Variants in CACNA2D1 observed in about 807,000 individuals in gnomAD.
CACNA2D1 encodes the protein calcium voltage-gated channel auxiliary subunit alpha2delta 1.
Under a neutral mutation model 171.5 loss-of-function variants are expected in CACNA2D1, and 53 were observed. The ratio of observed to expected loss-of-function variants is 0.31; its 90% CI spans 0.25 to 0.39. The LOEUF (loss-of-function observed/expected upper bound fraction) is 0.39. CACNA2D1 is among the 10% of genes least tolerant of loss of function. The probability of loss-of-function intolerance (pLI) is 1.00; values close to 1 mark genes in which losing one functional copy is unlikely to be tolerated. For missense variants in CACNA2D1, 903 were observed against 1,299.8 expected (o/e 0.69, Z 4.69); for synonymous variants, 442 against 443.1 (o/e 1.00, Z 0.03).
intron 2 of CACNA2D1, 142 bp downstream of exon 2, chr7:82,349,426 T>C (rs997818106): frequency 1.7e-5 from 13 of 767,988 alleles, no homozygotes; most frequent in Non-Finnish European, 2.8e-5. Flanking sequence ...GCAGTACCAA[T>C]GGTTTCTCTC....
At chr7:82,003,948 T>C (rs1798872733) in intron 18 of CACNA2D1, among the ~76,000 whole-genome samples, 1 of 152,114 alleles carries the variant, frequency 6.6e-6, no homozygotes, top group African/African-American at 2.4e-5. Flanking sequence ...TTTCACCATG[T>C]TGGCCAGGCT....
intron 12 of CACNA2D1, among the ~76,000 whole-genome samples, chr7:82,031,576 A>G (rs1802706257): frequency 6.6e-6 from 1 of 151,980 alleles, no homozygotes; most frequent in African/African-American, 2.4e-5. Context: ...TAGTACATGC[A>G]GTAAGCAGAG....
At chr7:82,184,549 C>T (rs1416433054) in intron 3 of CACNA2D1, among the ~76,000 whole-genome samples, 1 of 152,172 alleles carries the variant, frequency 6.6e-6, no homozygotes, top group South Asian at 2.1e-4. Flanking sequence ...CAGTAACTGA[C>T]ATTATCAAAG....
chr7:82,105,985 A>T (rs951820568), intron 6 of CACNA2D1, among the ~76,000 whole-genome samples: 5 of 152,170 alleles, frequency 3.3e-5, no homozygotes, highest in African/African-American at 1.2e-4. Context: ...TTAAAATAAC[A>T]TTATTCATTA....
chr7:82,052,638 T>G (rs1220826059), intron 10 of CACNA2D1, among the ~76,000 whole-genome samples: 2 of 152,004 alleles, frequency 1.3e-5, no homozygotes, highest in African/African-American at 2.4e-5. Flanking sequence ...TGGTTGACAC[T>G]AAAGATTATA....
chr7:82,004,188 C>T (rs1032106322), intron 18 of CACNA2D1, among the ~76,000 whole-genome samples: 30 of 152,032 alleles, frequency 2.0e-4, no homozygotes, highest in Admixed American at 1.8e-3. Flanking sequence ...ATAGCAAAAT[C>T]ATAGGATGAT....
chr7:81,990,898 G>A (rs1797478506), intron 21 of CACNA2D1, among the ~76,000 whole-genome samples: 1 of 152,142 alleles, frequency 6.6e-6, no homozygotes, highest in African/African-American at 2.4e-5. Context: ...ACAACTAAAA[G>A]AGGAAGTCAG....
intron 1 of CACNA2D1, among the ~76,000 whole-genome samples, chr7:82,422,733 T>C (rs1828821845): frequency 6.6e-6 from 1 of 152,074 alleles, no homozygotes; most frequent in South Asian, 2.1e-4. Flanking sequence ...GAAAGGCATT[T>C]AAAAAAATAG....
At position 82,113,381 on chromosome 7, in the gene CACNA2D1, C is replaced by T. The variant is rs373336496; in HGVS notation, c.526+3663G>A. ...AGTTATATGCTTGTCTTGTATAATT[C>T]TAAGCAGATAAATTAGATCTGAAAA... On this transcript the variant is annotated intron_variant, in intron 6 of 38. Coordinates refer to ENST00000356860, the MANE Select transcript of CACNA2D1 (RefSeq NM_000722.4). Among the ~76,000 whole-genome samples the T allele has an allele frequency of 1.5e-4, 23 of 152,168 alleles. No homozygotes were observed. In the South Asian group the frequency reaches 1.9e-3, roughly 12 times the overall value.
chr7:82,435,120 C>T (rs975906072), intron 1 of CACNA2D1, among the ~76,000 whole-genome samples: 3 of 143,944 alleles, frequency 2.1e-5, no homozygotes, highest in Non-Finnish European at 4.5e-5. Flanking sequence ...ACTGCAACAT[C>T]CGCCTCCCGG....
At chr7:82,208,063 A>G (rs1800191311) in intron 3 of CACNA2D1, among the ~76,000 whole-genome samples, 1 of 152,142 alleles carries the variant, frequency 6.6e-6, no homozygotes, top group Admixed American at 6.6e-5. Context: ...TAAGGGTGAG[A>G]AAAGGTGGCT....
At chr7:82,370,572 T>TGGATGGATGTAC (rs35737652) in intron 1 of CACNA2D1, among the ~76,000 whole-genome samples, 1 of 151,056 alleles carries the variant, frequency 6.6e-6, no homozygotes, top group Non-Finnish European at 1.5e-5. Flanking sequence ...GATGGATGGA[T>TGGATGGATGTAC]GGATGGATAG....
chr7:82,146,034 T>C (rs1289533446), intron 4 of CACNA2D1, among the ~76,000 whole-genome samples: 1 of 152,018 alleles, frequency 6.6e-6, no homozygotes, highest in Non-Finnish European at 1.5e-5. Context: ...TCAGTTGTCA[T>C]TATGGTGCCT....
chr7:82,295,695 C>T lies in CACNA2D1; in HGVS notation c.294+39440G>A, dbSNP rs532529025. ...TATAAACATAAATGAGTCACTATTG[C>T]TATAACACAGGGCCAGTTTGTGACA... is the stretch of plus-strand genomic sequence containing the variant. On this transcript the variant is annotated intron_variant, in intron 3 of 38. Transcript: ENST00000356860. Among the ~76,000 whole-genome samples the T allele has an allele frequency of 1.1e-4, 16 of 151,756 alleles. 1 individual carries two copies. The East Asian group carries it at 3.1e-3, about 30-fold the overall frequency.
intron 5 of CACNA2D1, among the ~76,000 whole-genome samples, chr7:82,130,099 A>G (rs1254311713): frequency 1.3e-5 from 2 of 152,224 alleles, no homozygotes; most frequent in African/African-American, 4.8e-5. Flanking sequence ...TTCCTTTTAC[A>G]GTTGTGTGAA....
At chr7:82,085,797 T>C (rs1810405397) in intron 6 of CACNA2D1, among the ~76,000 whole-genome samples, 1 of 152,046 alleles carries the variant, frequency 6.6e-6, no homozygotes. Context: ...CTTGGATAGG[T>C]ATTACAAACA....
intron 3 of CACNA2D1, among the ~76,000 whole-genome samples, chr7:82,244,985 T>G (rs928424577): frequency 6.6e-6 from 1 of 152,130 alleles, no homozygotes; most frequent in Non-Finnish European, 1.5e-5. Context: ...CTGCAGACAA[T>G]TGCAATGTGC....
At chr7:82,404,375 G>A (rs573784219) in intron 1 of CACNA2D1, among the ~76,000 whole-genome samples, 1 of 152,302 alleles carries the variant, frequency 6.6e-6, no homozygotes, top group East Asian at 1.9e-4. Context: ...AAGGATGCTA[G>A]ATGAACCCTT....
chr7:82,023,642 T>G (rs1449520271), intron 12 of CACNA2D1, among the ~76,000 whole-genome samples: 1 of 151,758 alleles, frequency 6.6e-6, no homozygotes, highest in East Asian at 1.9e-4. Flanking sequence ...TCTGTATTTC[T>G]AAATTTTATT....
Sources: allele counts gnomAD v4.1 joint callset (sites outside exome capture counted in the v4.1 genomes callset), GRCh38; gene constraint gnomAD v4.1.1; transcripts MANE v1.5; gene names NCBI Gene and HGNC (gene_info 2026-07-23, HGNC 2026-07-21).